Variants in IGSF21 observed in about 807,000 individuals in gnomAD.
IGSF21 encodes immunoglobulin superfamily member 21.
A neutral mutation model predicts 46.8 loss-of-function variants in IGSF21; 28 were observed. The ratio of observed to expected loss-of-function variants is 0.60; its 90% CI spans 0.44 to 0.82. The LOEUF is 0.82. Ranked by LOEUF, IGSF21 falls within the 40% of genes least tolerant of loss-of-function variation. IGSF21 has a pLI of 0.00. For missense variants in IGSF21, 624 were observed against 665.5 expected, an observed-to-expected ratio of 0.94 and a Z score of 0.69; for synonymous variants, 284 against 273.6, an observed-to-expected ratio of 1.04 and a Z score of -0.38.
At chr1:18,173,168 G>T (rs2086757872) in intron 1 of IGSF21, among the ~76,000 whole-genome samples, 1 of 152,210 alleles carries the variant, frequency 6.6e-6, no homozygotes, top group South Asian at 2.1e-4. Context: ...GGTGCCTGTA[G>T]TCTCAGCTAC....
intron 1 of IGSF21, among the ~76,000 whole-genome samples, chr1:18,201,441 C>T (rs940964066): frequency 6.6e-6 from 1 of 152,188 alleles, no homozygotes. Context: ...GAAAGCCTCA[C>T]CACGGAGGGA....
intron 1 of IGSF21, among the ~76,000 whole-genome samples, chr1:18,209,523 T>TCACTGCAACCTC (rs2084367708): frequency 6.6e-6 from 1 of 151,824 alleles, no homozygotes; most frequent in African/African-American, 2.4e-5. Flanking sequence ...GGGGTGACCT[T>TCACTGCAACCTC]GGCTCACTGC....
chr1:18,130,249 G>T (rs559588488), intron 1 of IGSF21, among the ~76,000 whole-genome samples: 1 of 152,308 alleles, frequency 6.6e-6, no homozygotes, highest in East Asian at 1.9e-4. Flanking sequence ...GGGCTTAGAA[G>T]TGAGACACCC....
At chr1:18,342,943 G>A (rs2085857846) in intron 4 of IGSF21, among the ~76,000 whole-genome samples, 1 of 152,172 alleles carries the variant, frequency 6.6e-6, no homozygotes, top group African/African-American at 2.4e-5. Flanking sequence ...GTTCTCTTGG[G>A]TATGTATCCT....
intron 3 of IGSF21, among the ~76,000 whole-genome samples, chr1:18,297,383 A>G (rs1416332861): frequency 6.6e-6 from 1 of 152,146 alleles, no homozygotes; most frequent in Non-Finnish European, 1.5e-5. Flanking sequence ...TTCATTCATC[A>G]CAAAGGAATT....
chr1:18,262,950 C>T (rs1020203030), intron 2 of IGSF21, among the ~76,000 whole-genome samples: 12 of 152,232 alleles, frequency 7.9e-5, no homozygotes, highest in Admixed American at 5.9e-4. Flanking sequence ...TTCCCCTTCC[C>T]CACCCCGGGG....
chr1:18,268,798 C>T (rs2085015022), intron 2 of IGSF21, among the ~76,000 whole-genome samples: 1 of 152,190 alleles, frequency 6.6e-6, no homozygotes, highest in Non-Finnish European at 1.5e-5. Context: ...GGGCTGAGAG[C>T]TGTCCCACAG....
intron 2 of IGSF21, among the ~76,000 whole-genome samples, chr1:18,275,641 G>C (rs1016322280): frequency 6.6e-6 from 1 of 152,142 alleles, no homozygotes; most frequent in Non-Finnish European, 1.5e-5. Context: ...TGAGAACAAG[G>C]GCTCATGGAA....
intron 1 of IGSF21, among the ~76,000 whole-genome samples, chr1:18,212,681 G>A (rs977714832): frequency 6.6e-6 from 1 of 152,200 alleles, no homozygotes; most frequent in Admixed American, 6.5e-5. Flanking sequence ...ACCCAGGGGG[G>A]GTCCTGGCCC....
intron 2 of IGSF21, 123 bp downstream of exon 2, chr1:18,228,133 C>A: frequency 1.4e-6 from 1 of 710,974 alleles, no homozygotes; most frequent in Non-Finnish European, 2.5e-6. Context: ...CTGAGTTGTC[C>A]TGGGCATCTG....
At chr1:18,328,103 A>T (rs911222656) in intron 3 of IGSF21, among the ~76,000 whole-genome samples, 1 of 152,204 alleles carries the variant, frequency 6.6e-6, no homozygotes, top group Admixed American at 6.5e-5. Flanking sequence ...GATTCCAGAG[A>T]AAAGGTGTCT....
rs971811656 is a variant in IGSF21, at chr1:18,322,892, G to C, written c.306-12000G>C. On this transcript the variant is annotated intron_variant, in intron 3 of 9. Transcript: ENST00000251296. This position sits in a 1 kb window ranked among gnomAD's most constrained non-coding sequence, Gnocchi z 4.3. ...GATGTCGGAATGGGTGAAGGGGAGCGGGAAGCGATGGGCCAGGAAGTCAGG... is the reference window on the plus strand; with the variant it reads ...GATGTCGGAATGGGTGAAGGGGAGCCGGAAGCGATGGGCCAGGAAGTCAGG... 6.6e-6 allele frequency among the ~76,000 whole-genome samples: 1 copy of C among 152,164 alleles called. No individual in the cohort carries two copies. The highest frequency in any genetic ancestry group is 1.5e-5 in the Non-Finnish European group (1 of 68,038).
intron 1 of IGSF21, among the ~76,000 whole-genome samples, chr1:18,143,515 T>C (rs753305): frequency 0.26 from 39,021 of 152,066 alleles, 5,175 homozygotes; most frequent in Middle Eastern, 0.36. Flanking sequence ...CATGGGTTTC[T>C]AATCCTCGCT....
chr1:18,191,751 G>C (rs2086958619), intron 1 of IGSF21, among the ~76,000 whole-genome samples: 1 of 152,138 alleles, frequency 6.6e-6, no homozygotes, highest in Admixed American at 6.5e-5. Flanking sequence ...TTTGAACCTG[G>C]CATCTGTTTG....
At chr1:18,210,201 G>A (rs1557589146) in intron 1 of IGSF21, among the ~76,000 whole-genome samples, 1 of 152,258 alleles carries the variant, frequency 6.6e-6, no homozygotes, top group East Asian at 1.9e-4. Context: ...CCTGTCAAGT[G>A]GAAGAACGAG....
intron 1 of IGSF21, among the ~76,000 whole-genome samples, chr1:18,200,886 A>G (rs1005073110): frequency 3.3e-5 from 5 of 152,026 alleles, no homozygotes; most frequent in South Asian, 2.1e-4. Context: ...CCCCAGCCCC[A>G]TGAGGAGGGA....
In IGSF21 at chr1:18,334,902, G is replaced by T; in HGVS notation, c.316G>T (p.Val106Phe). 1 of 1,613,870 alleles carries T rather than the reference G, an allele frequency of 6.2e-7. No homozygotes were observed. The highest frequency in any genetic ancestry group is 8.5e-7 in the Non-Finnish European group (1 of 1,179,854). ...VYQSTVRLPE[V>F]RISDNGPYEC... ...TTCTGCCTCCCCCAGGCTGCCCGAG[G>T]TCCGGATCTCAGACAATGGTCCCTA... Residue 106 changes from valine to phenylalanine, a missense_variant, in exon 4 of 10, where the codon GTC (valine) becomes TTC (phenylalanine). Transcript: ENST00000251296. The surrounding 1 kb of genome is among the most constrained non-coding windows in gnomAD (Gnocchi z 4.3).
intron 2 of IGSF21, among the ~76,000 whole-genome samples, chr1:18,282,377 G>T (rs181224117): frequency 6.6e-6 from 1 of 152,216 alleles, no homozygotes; most frequent in Non-Finnish European, 1.5e-5. Context: ...CGAATGTCTG[G>T]CATCTATCTG....
intron 3 of IGSF21, among the ~76,000 whole-genome samples, chr1:18,308,845 G>A (rs139149668): frequency 2.7e-3 from 405 of 152,262 alleles, no homozygotes; most frequent in African/African-American, 9.1e-3. Flanking sequence ...TATGCAGCCT[G>A]CAGAAGAGAC....
Sources: gnomAD v4.1 joint callset for allele counts (sites outside exome capture counted in the v4.1 genomes callset) on GRCh38, gnomAD v4.1.1 for gene constraint, Gnocchi (gnomAD v3.1) non-coding constraint, MANE v1.5 for transcripts, NCBI Gene and HGNC (gene_info 2026-07-23, HGNC 2026-07-21) for gene names.